CTNS: variants seen among roughly 807,000 people sequenced by gnomAD.
The protein encoded by CTNS is cystinosin, lysosomal cystine transporter.
Under a neutral mutation model 43.7 loss-of-function variants are expected in CTNS, and 27 were observed. The observed-to-expected ratio is 0.62, with a 90% CI of 0.46 to 0.85. The LOEUF (loss-of-function observed/expected upper bound fraction) is 0.85. CTNS is among the 40% of genes least tolerant of loss of function. The pLI is 0.00. For synonymous variants in CTNS, 187 were observed against 190.6 expected, an observed-to-expected ratio of 0.98 and a Z score of 0.16; for missense variants, 457 against 475.4, an observed-to-expected ratio of 0.96 and a Z score of 0.36.
intron 3 of CTNS, among the ~76,000 whole-genome samples, chr17:3,645,191 A>G (rs2075816008): frequency 6.6e-6 from 1 of 152,228 alleles, no homozygotes; most frequent in Non-Finnish European, 1.5e-5. Flanking sequence ...AAAGAAGGGC[A>G]GACTCGCCAC....
At chr17:3,655,887 G>A (rs1284147238) in intron 7 of CTNS, 1 of 251,176 alleles carries the variant, frequency 4.0e-6, no homozygotes, top group Non-Finnish European at 7.8e-6. Context: ...TCTTGGGCAG[G>A]GGAGGAAGGG....
At position 3,660,761 on chromosome 17, in the gene CTNS, CT is replaced by C. The variant is rs1389846585; in HGVS notation, c.*395del. ...CTTGCAGCCGGGTGAGCCAAGGGCA[CT>C]TTGCTGCCACCGCTGCATTCCCAGA... On this transcript the variant is annotated 3_prime_UTR_variant, in exon 12 of 12. Coordinates refer to ENST00000046640, the MANE Select transcript of CTNS (RefSeq NM_004937.3). 6.2e-7 allele frequency: 1 copy of C among 1,613,072 alleles called. No individual in the cohort carries two copies. The highest frequency in any genetic ancestry group is 8.5e-7 in the Non-Finnish European group (1 of 1,179,940).
chr17:3,658,457 TC>T (rs1388354757), intron 10 of CTNS, among the ~76,000 whole-genome samples: 1 of 152,202 alleles, frequency 6.6e-6, no homozygotes, highest in African/African-American at 2.4e-5. Context: ...CCCCAGCCTT[TC>T]CTGATGCCTT....
chr17:3,647,690 G>C, intron 4 of CTNS, 168 bp downstream of exon 4: 1 of 682,756 alleles, frequency 1.5e-6, no homozygotes, highest in Non-Finnish European at 2.6e-6. Flanking sequence ...CTGCAGGATG[G>C]GATCGCAAAG....
At position 3,660,253 on chromosome 17, in the gene CTNS, T is replaced by G; in HGVS notation, c.988T>G (p.Phe330Val). The G allele has an allele frequency of 6.2e-7, 1 of 1,614,254 alleles. No homozygotes were observed. The highest frequency in any genetic ancestry group is 8.5e-7 in the Non-Finnish European group (1 of 1,180,044). ...GCTAACAGACCAGTGGACGCTGATC[T>G]TCGGAGACCCAACCAAGTTTGGACT... Reference protein sequence around the residue: ...SYNNDQWTLIFGDPTKFGLGV... With the variant: ...SYNNDQWTLIVGDPTKFGLGV... Residue 330 changes from phenylalanine (F) to valine (V), a missense_variant, in exon 12 of 12, where the codon TTC becomes GTC. Phe to Val is a conservative substitution (Grantham distance 50). Transcript: ENST00000046640.
At position 3,660,303 on chromosome 17, in the gene CTNS, C is replaced by T. The variant is rs771450572; in HGVS notation, c.1038C>T (p.Asp346=). The part of the protein sequence containing the change: ...FGLGVFSIVF[D]VVFFIQHFCL... ...TCGGGGTCTTCTCCATCGTCTTCGA[C>T]GTCGTCTTCTTCATCCAGCACTTCT... The change falls in exon 12 of 12, where the codon GAC becomes GAT. Residue 346 remains aspartate, a synonymous_variant. Transcript: ENST00000046640. The T allele has an allele frequency of 4.6e-5, 74 of 1,614,250 alleles. 1 individual carries two copies. The East Asian group carries it at 9.4e-4, about 20-fold the overall frequency.
chr17:3,661,039 T>C lies in CTNS; in HGVS notation c.*670T>C. Reference sequence around the variant, plus strand: ...ATTAGCATAGTAACTCCTTTCAGATTTTTTGGAGGGACGTTTGGAAGTGGC... The same window carrying C: ...ATTAGCATAGTAACTCCTTTCAGATCTTTTGGAGGGACGTTTGGAAGTGGC... On this transcript the variant is annotated 3_prime_UTR_variant, in exon 12 of 12. Coordinates refer to ENST00000046640, the MANE Select transcript of CTNS (RefSeq NM_004937.3). 2.3e-6 allele frequency: 1 copy of C among 436,674 alleles called. No homozygotes were observed. The highest frequency in any genetic ancestry group is 4.3e-6 in the Non-Finnish European group (1 of 233,922). The allele number at this position is 436,674 out of a possible 1,614,324, so 27.0% of individuals were successfully genotyped here. A position where few individuals can be genotyped will look rare whatever the true frequency, so the allele number is the denominator to read the frequency against.
intron 3 of CTNS, among the ~76,000 whole-genome samples, chr17:3,645,850 ACT>A (rs1380853922): frequency 7.2e-6 from 1 of 139,754 alleles, no homozygotes; most frequent in Non-Finnish European, 1.5e-5. Flanking sequence ...ACAAAGCGAG[ACT>A]CTGTCTCAAA....
Position 3,653,152 on chromosome 17 carries a change from C to T in CTNS, c.226-1846C>T, listed in dbSNP as rs554022894. On this transcript the variant is annotated intron_variant, in intron 5 of 11. Transcript: ENST00000046640. ...GAAGGCCGGGCATGGTGGCTCACGC[C>T]TGTAATCCCACCACTTTGGGAGGCC... 2.0e-5 allele frequency among the ~76,000 whole-genome samples: 3 copies of T among 152,356 alleles called. No homozygotes were observed. The East Asian group carries it at 5.8e-4, about 29-fold the overall frequency.
At chr17:3,650,420 T>G in intron 5 of CTNS, 3 of 1,465,126 alleles carry the variant, frequency 2.0e-6, no homozygotes, top group Non-Finnish European at 2.8e-6. Flanking sequence ...AACTCAAGGC[T>G]GCAGTGAGCC....
intron 2 of CTNS, among the ~76,000 whole-genome samples, chr17:3,638,810 T>A (rs2075604679): frequency 6.6e-6 from 1 of 152,106 alleles, no homozygotes; most frequent in African/African-American, 2.4e-5. Flanking sequence ...AGGCCTGTGG[T>A]CATTCCATAC....
Position 3,660,996 on chromosome 17 carries a change from T to C in CTNS, c.*627T>C, listed in dbSNP as rs1048647. 116,804 of 555,540 alleles carry C rather than the reference T, an allele frequency of 0.21. 12,903 individuals are homozygous for C. Among genetic ancestry groups the C allele is most frequent in the East Asian group, 0.25 (7,661 of 30,928 alleles). The allele number at this position is 555,540 out of a possible 1,614,324, so 34.4% of individuals were successfully genotyped here. A position where few individuals can be genotyped will look rare whatever the true frequency, so the allele number is the denominator to read the frequency against. On this transcript the variant is annotated 3_prime_UTR_variant, in exon 12 of 12. Coordinates refer to ENST00000046640, the MANE Select transcript of CTNS (RefSeq NM_004937.3). The stretch of plus-strand genomic sequence containing the variant: ...GGGGCCCACCAGATTGGTTCTGAAT[T>C]GGATTCATGCCCAGCGCATTAGCAT...
chr17:3,654,680 CAAA>C (rs560988939), intron 5 of CTNS, among the ~76,000 whole-genome samples: 921 of 82,466 alleles, frequency 0.011, 4 homozygotes, highest in African/African-American at 0.049. Flanking sequence ...GACTCCGTCT[CAAA>C]AAAAAAAAAA....
rs2142988471 is a variant in CTNS, at chr17:3,662,230, G to C, written c.*1861G>C. Among the ~76,000 whole-genome samples the C allele has an allele frequency of 6.6e-6, 1 of 152,032 alleles. No homozygotes were observed. The highest frequency in any genetic ancestry group is 2.1e-4 in the South Asian group (1 of 4,820). The stretch of plus-strand genomic sequence containing the variant: ...GTTGGCTGAGGCAGGAGAATTACTT[G>C]AACCCAGGAGGCGGAGGTTGCAGTG... On this transcript the variant is annotated 3_prime_UTR_variant, in exon 12 of 12. Transcript: ENST00000046640.
chr17:3,640,238 T>G lies in CTNS; in HGVS notation c.32T>G (p.Leu11Arg), dbSNP rs779919175. ...AGGAATTGGCTGACTATTTTTATCC[T>G]TTTTCCCCTGAAGCTCGTAGAGAAA... MIRNWLTIFILFPLKLVEKCE... is the reference protein window; with the variant it reads MIRNWLTIFIRFPLKLVEKCE... Residue 11 changes from leucine to arginine, a missense_variant, in exon 3 of 12, where the codon CTT becomes CGT. Transcript: ENST00000046640. The G allele has an allele frequency of 6.2e-7, 1 of 1,612,680 alleles. No individual in the cohort carries two copies. The highest frequency in any genetic ancestry group is 8.5e-7 in the Non-Finnish European group (1 of 1,178,826).
At position 3,657,586 on chromosome 17, in the gene CTNS, A is replaced by G. The variant is rs898022221; in HGVS notation, c.682-419A>G. The G allele has an allele frequency of 2.5e-5, 7 of 275,806 alleles. No homozygotes were observed. The Admixed American group carries it at 3.4e-4, about 13-fold the overall frequency. The allele number at this position is 275,806 out of a possible 1,614,324, so 17.1% of individuals were successfully genotyped here. ...GGCAAGGCGAGGGGACAGATTCCTG[A>G]GATCCTCAGGCTGCTGCCGGGTCGT... On this transcript the variant is annotated intron_variant, in intron 9 of 11. Transcript: ENST00000046640.
intron 9 of CTNS, among the ~76,000 whole-genome samples, chr17:3,657,285 G>C (rs2150923939): frequency 6.6e-6 from 1 of 152,310 alleles, no homozygotes; most frequent in South Asian, 2.1e-4. Flanking sequence ...CTGGGCTTCA[G>C]GGTGCCAGGA....
chr17:3,659,768 G>A (rs1461410163), intron 10 of CTNS, 90 bp from the exon 11 acceptor site: 7 of 916,506 alleles, frequency 7.6e-6, no homozygotes, highest in African/African-American at 1.6e-5. Context: ...AATGAGAACC[G>A]CTTTTGTTTG....
At position 3,655,488 on chromosome 17, in the gene CTNS, A is replaced by G. The variant is rs867878869; in HGVS notation, c.461+136A>G. ...CCTACCCTTTCCAGAAAGTTGTCCCAGTGCGAAGGCTCGGAGAGCCTGGGT... is the reference window on the plus strand; with the variant it reads ...CCTACCCTTTCCAGAAAGTTGTCCCGGTGCGAAGGCTCGGAGAGCCTGGGT... On this transcript the variant is annotated intron_variant, in intron 7 of 11. Coordinates refer to ENST00000046640, the MANE Select transcript of CTNS (RefSeq NM_004937.3). 3.6e-5 allele frequency: 49 copies of G among 1,357,066 alleles called. 1 individual carries two copies. The African/African-American group carries it at 5.8e-4, about 16-fold the overall frequency. The allele number at this position is 1,357,066 out of a possible 1,614,324, so 84.1% of individuals were successfully genotyped here.
Sources: allele counts gnomAD v4.1 joint callset (sites outside exome capture counted in the v4.1 genomes callset), GRCh38; gene constraint gnomAD v4.1.1; transcripts MANE v1.5; gene names NCBI Gene and HGNC (gene_info 2026-07-23, HGNC 2026-07-21).